The following EPHA6 variants were observed in gnomAD, a reference collection of about 807,000 sequenced individuals.
The protein encoded by EPHA6 is ephrin type-A receptor 6.
In EPHA6, 50 loss-of-function variants were observed where a neutral mutation model predicts 112.0. That is an observed-to-expected ratio of 0.45 (90% CI 0.36 to 0.56). The LOEUF (loss-of-function observed/expected upper bound fraction) is 0.56, where lower values mean the gene tolerates loss of function less well. Among genes scored for constraint, EPHA6 ranks in the 20% least tolerant of loss-of-function variants. EPHA6 has a pLI of 0.00. For missense variants in EPHA6, 1,280 were observed against 1,417.4 expected, an observed-to-expected ratio of 0.90 and a Z score of 1.56; for synonymous variants, 529 against 490.7, an observed-to-expected ratio of 1.08 and a Z score of -1.03.
chr3:97,195,691 C>T (rs959009834), intron 3 of EPHA6, among the ~76,000 whole-genome samples: 5 of 151,872 alleles, frequency 3.3e-5, no homozygotes, highest in African/African-American at 1.2e-4. Context: ...GATGAAATAC[C>T]TCAGCTTTTG....
intron 10 of EPHA6, among the ~76,000 whole-genome samples, chr3:97,500,806 A>G (rs1221254525): frequency 6.6e-6 from 1 of 152,142 alleles, no homozygotes; most frequent in African/African-American, 2.4e-5. Flanking sequence ...TTAGTTTCAT[A>G]ATTAATCAGT....
intron 2 of EPHA6, among the ~76,000 whole-genome samples, chr3:96,963,213 C>A (rs1457375156): frequency 6.7e-6 from 1 of 149,912 alleles, no homozygotes; most frequent in Non-Finnish European, 1.5e-5. Context: ...TCTGAATAAT[C>A]CCAAACCAAC....
chr3:97,095,018 C>T lies in EPHA6; in HGVS notation c.1114+107025C>T, dbSNP rs536655158. ...TCTTTAAGATGGAGAGAAAAATGAT[C>T]CCCATCGCCTATGATTAGTGTAAGA... is the stretch of plus-strand genomic sequence containing the variant. On this transcript the variant is annotated intron_variant, in intron 3 of 17. Coordinates refer to ENST00000389672, the MANE Select transcript of EPHA6 (RefSeq NM_001080448.3). Among the ~76,000 whole-genome samples the T allele has an allele frequency of 6.6e-5, 10 of 152,028 alleles. No homozygotes were observed. In the South Asian group the frequency reaches 2.1e-3, roughly 32 times the overall value.
chr3:97,063,735 A>G (rs1022018483), intron 3 of EPHA6, among the ~76,000 whole-genome samples: 1 of 152,190 alleles, frequency 6.6e-6, no homozygotes, highest in Non-Finnish European at 1.5e-5. Flanking sequence ...AAAGGACAGG[A>G]GAAGCATAAA....
chr3:96,957,250 G>C (rs1001481481), intron 2 of EPHA6, among the ~76,000 whole-genome samples: 6 of 152,126 alleles, frequency 3.9e-5, no homozygotes, highest in Admixed American at 3.9e-4. Context: ...AAAGAAGAGG[G>C]ATATCTACAA....
intron 3 of EPHA6, among the ~76,000 whole-genome samples, chr3:97,049,136 G>A (rs2045606156): frequency 1.3e-5 from 2 of 152,178 alleles, no homozygotes; most frequent in South Asian, 4.1e-4. Flanking sequence ...AGGTACTGGA[G>A]TGCACCTCCT....
chr3:97,246,152 G>A (rs2078980585), intron 5 of EPHA6, among the ~76,000 whole-genome samples: 1 of 151,700 alleles, frequency 6.6e-6, no homozygotes, highest in Non-Finnish European at 1.5e-5. Flanking sequence ...TAAATATAAA[G>A]TAGATGAGAG....
chr3:97,228,935 G>T (rs752122961), intron 4 of EPHA6, among the ~76,000 whole-genome samples: 4 of 151,966 alleles, frequency 2.6e-5, no homozygotes, highest in Non-Finnish European at 4.4e-5. Context: ...AGGTGGTATC[G>T]CATTGTGGTT....
chr3:97,664,032 T>A (rs1434334562), intron 14 of EPHA6, among the ~76,000 whole-genome samples: 2 of 152,204 alleles, frequency 1.3e-5, no homozygotes, highest in Non-Finnish European at 2.9e-5. Flanking sequence ...CCATTCTAAC[T>A]GGTGTGAGAT....
At chr3:97,559,536 G>T (rs763002805) in intron 11 of EPHA6, 1 of 423,478 alleles carries the variant, frequency 2.4e-6, no homozygotes, top group Non-Finnish European at 4.7e-6. Flanking sequence ...CTGAGTGGAG[G>T]AATTTCTACC....
chr3:97,597,546 A>G (rs978616898), intron 12 of EPHA6, among the ~76,000 whole-genome samples: 1 of 152,250 alleles, frequency 6.6e-6, no homozygotes, highest in Non-Finnish European at 1.5e-5. Flanking sequence ...TTCTCTGAGT[A>G]GCCATGTTAG....
chr3:97,371,904 T>A (rs1014787529), intron 5 of EPHA6, among the ~76,000 whole-genome samples: 1 of 152,130 alleles, frequency 6.6e-6, no homozygotes, highest in Non-Finnish European at 1.5e-5. Context: ...CCAGGCTTAT[T>A]AGGATGAGGA....
intron 14 of EPHA6, among the ~76,000 whole-genome samples, chr3:97,666,013 C>A (rs1312422541): frequency 6.6e-6 from 1 of 150,576 alleles, no homozygotes; most frequent in African/African-American, 2.5e-5. Context: ...GCTGAGATAT[C>A]GCCGTTACAC....
At chr3:97,177,793 G>T (rs72922363) in intron 3 of EPHA6, among the ~76,000 whole-genome samples, 1,952 of 151,912 alleles carry the variant, frequency 0.013, 45 homozygotes, top group African/African-American at 0.043. Context: ...GTTTACATTG[G>T]CATGGAATAT....
rs543410699 is a variant in EPHA6, at chr3:97,393,855, C to G, written c.1607-11295C>G. 4.3e-4 allele frequency among the ~76,000 whole-genome samples: 66 copies of G among 151,798 alleles called. 2 individuals are homozygous for G. The South Asian group carries it at 0.013, about 30-fold the overall frequency. ...CATTTGTCCTGTGCTGGGTTTATATCACTTAACATAATATCTAGGTTCATG... is the reference window on the plus strand; with the variant it reads ...CATTTGTCCTGTGCTGGGTTTATATGACTTAACATAATATCTAGGTTCATG... On this transcript the variant is annotated intron_variant, in intron 5 of 17. Coordinates refer to ENST00000389672, the MANE Select transcript of EPHA6 (RefSeq NM_001080448.3).
chr3:97,557,711 A>C (rs376049427), intron 11 of EPHA6, among the ~76,000 whole-genome samples: 1 of 151,824 alleles, frequency 6.6e-6, no homozygotes, highest in Non-Finnish European at 1.5e-5. Flanking sequence ...CAGAGTGTGC[A>C]TGCTAGATAT....
intron 3 of EPHA6, among the ~76,000 whole-genome samples, chr3:97,065,637 C>A (rs918141883): frequency 3.3e-5 from 5 of 152,024 alleles, no homozygotes; most frequent in African/African-American, 1.2e-4. Context: ...CACACTATTT[C>A]TAGGAAGTAT....
chr3:96,951,900 T>C (rs1039671389), intron 2 of EPHA6, among the ~76,000 whole-genome samples: 1 of 152,122 alleles, frequency 6.6e-6, no homozygotes, highest in African/African-American at 2.4e-5. Context: ...GCAGTAGTCA[T>C]GAAAATTAGC....
intron 2 of EPHA6, among the ~76,000 whole-genome samples, chr3:96,947,672 C>G (rs1277809019): frequency 6.6e-6 from 1 of 152,080 alleles, no homozygotes; most frequent in Non-Finnish European, 1.5e-5. Flanking sequence ...AATAAAATAC[C>G]TGGGAATCTA....
Sources: allele counts gnomAD v4.1 joint callset (sites outside exome capture counted in the v4.1 genomes callset), GRCh38; gene constraint gnomAD v4.1.1; transcripts MANE v1.5; gene names NCBI Gene and HGNC (gene_info 2026-07-23, HGNC 2026-07-21).